MIPEP: variants seen among roughly 807,000 people sequenced by gnomAD.
The protein encoded by MIPEP is mitochondrial intermediate peptidase.
Under a neutral mutation model 90.3 loss-of-function variants are expected in MIPEP, and 79 were observed. That is an observed-to-expected ratio of 0.87 (90% CI 0.73 to 1.05). The LOEUF (loss-of-function observed/expected upper bound fraction) is 1.05, where lower values mean the gene tolerates loss of function less well. Among genes scored for constraint, MIPEP ranks in the 50% least tolerant of loss-of-function variants. The probability of loss-of-function intolerance (pLI) is 0.00; values close to 1 mark genes in which losing one functional copy is unlikely to be tolerated. For missense variants in MIPEP, 940 were observed against 905.6 expected, an observed-to-expected ratio of 1.04 and a Z score of -0.49; for synonymous variants, 334 against 315.8, an observed-to-expected ratio of 1.06 and a Z score of -0.61.
At chr13:23,749,116 C>A (rs1004234233) in intron 18 of MIPEP, among the ~76,000 whole-genome samples, 2 of 152,282 alleles carry the variant, frequency 1.3e-5, no homozygotes, top group Admixed American at 6.5e-5. Flanking sequence ...TGCTATAAGA[C>A]AATGTAAAAC....
intron 4 of MIPEP, among the ~76,000 whole-genome samples, chr13:23,877,302 CT>C (rs1871107770): frequency 1.3e-5 from 2 of 152,184 alleles, no homozygotes; most frequent in African/African-American, 4.8e-5. Context: ...ATTTCGGTCG[CT>C]TGCATGCTTC....
At chr13:23,851,326 T>C (rs766699845) in intron 10 of MIPEP, among the ~76,000 whole-genome samples, 5 of 152,232 alleles carry the variant, frequency 3.3e-5, no homozygotes, top group African/African-American at 4.8e-5. Flanking sequence ...ATGACTGTAA[T>C]AGACTGAAAC....
chr13:23,755,705 AT>A (rs1409274193), intron 18 of MIPEP, among the ~76,000 whole-genome samples: 1 of 152,160 alleles, frequency 6.6e-6, no homozygotes, highest in Non-Finnish European at 1.5e-5. Flanking sequence ...GATCACTTCC[AT>A]TTACAATTAA....
intron 14 of MIPEP, among the ~76,000 whole-genome samples, chr13:23,827,473 C>G (rs1868522074): frequency 6.6e-6 from 1 of 152,014 alleles, no homozygotes; most frequent in African/African-American, 2.4e-5. Flanking sequence ...TGAATGGTTT[C>G]ATAGATGAAT....
intron 5 of MIPEP, among the ~76,000 whole-genome samples, chr13:23,871,931 T>C (rs1305834497): frequency 6.6e-6 from 1 of 152,154 alleles, no homozygotes; most frequent in Non-Finnish European, 1.5e-5. Flanking sequence ...AAAAATGTGA[T>C]AAAATTAACT....
intron 18 of MIPEP, 60 bp downstream of exon 18, chr13:23,756,485 A>G: frequency 6.5e-7 from 1 of 1,533,198 alleles, no homozygotes; most frequent in African/African-American, 1.4e-5. Context: ...TGAAAAAAAC[A>G]TATGGAGAAA....
At chr13:23,834,953 C>T (rs540358379) in intron 14 of MIPEP, among the ~76,000 whole-genome samples, 1 of 152,004 alleles carries the variant, frequency 6.6e-6, no homozygotes, top group South Asian at 2.1e-4. Context: ...ACAAATCTGC[C>T]ACCGTAATAA....
At chr13:23,869,517 G>A (rs1418805601) in intron 6 of MIPEP, 69 bp from the exon 7 acceptor site, 2 of 1,352,198 alleles carry the variant, frequency 1.5e-6, no homozygotes, top group Non-Finnish European at 2.0e-6. Context: ...AATAACACAG[G>A]CTCATGCTCA....
intron 14 of MIPEP, among the ~76,000 whole-genome samples, chr13:23,820,116 T>C (rs1953288208): frequency 2.0e-5 from 3 of 152,164 alleles, no homozygotes; most frequent in Admixed American, 6.5e-5. Context: ...ATTTAAAAAA[T>C]GGGTTAAGTG....
At position 23,781,121 on chromosome 13, in the gene MIPEP, T is replaced by C. The variant is rs866748566; in HGVS notation, c.1849-20904A>G. ...ACAGAGAACACCACAAAGATACTCC[T>C]CGAGAAGAGCAACTCCAAGACACAT... On this transcript the variant is annotated intron_variant, in intron 16 of 18. Coordinates refer to ENST00000382172, the MANE Select transcript of MIPEP (RefSeq NM_005932.4). Among the ~76,000 whole-genome samples the C allele has an allele frequency of 1.5e-4, 23 of 152,142 alleles. 1 individual carries two copies. The highest frequency in any genetic ancestry group is 4.8e-4 in the African/African-American group (20 of 41,488).
intron 5 of MIPEP, 42 bp downstream of exon 5, chr13:23,874,804 T>C (rs1566025558): frequency 3.3e-6 from 5 of 1,503,406 alleles, no homozygotes; most frequent in African/African-American, 1.4e-5. Flanking sequence ...AACTAAATGT[T>C]AGTAAAACTG....
intron 10 of MIPEP, among the ~76,000 whole-genome samples, chr13:23,856,742 G>T (rs1271055127): frequency 1.3e-5 from 2 of 152,066 alleles, no homozygotes; most frequent in East Asian, 3.9e-4. Context: ...AGGAGGTTGT[G>T]ACCAGAAAAC....
At chr13:23,836,844 C>G (rs1261706976) in intron 13 of MIPEP, among the ~76,000 whole-genome samples, 3 of 152,130 alleles carry the variant, frequency 2.0e-5, no homozygotes, top group Non-Finnish European at 4.4e-5. Context: ...AGTAACAAAT[C>G]CTGTAAGAAA....
intron 18 of MIPEP, among the ~76,000 whole-genome samples, chr13:23,751,099 G>GA (rs1952435907): frequency 6.6e-6 from 1 of 152,206 alleles, no homozygotes; most frequent in African/African-American, 2.4e-5. Flanking sequence ...CGTGCTGCTG[G>GA]AACTGAGAAC....
chr13:23,804,641 T>A (rs979036136), intron 16 of MIPEP, among the ~76,000 whole-genome samples: 15 of 152,204 alleles, frequency 9.9e-5, no homozygotes, highest in African/African-American at 3.4e-4. Flanking sequence ...TCTAAGCCAA[T>A]CGAAAACTAA....
At chr13:23,851,126 T>A (rs987187108) in intron 10 of MIPEP, among the ~76,000 whole-genome samples, 1 of 152,180 alleles carries the variant, frequency 6.6e-6, no homozygotes, top group Admixed American at 6.5e-5. Flanking sequence ...TCTCCCCAGG[T>A]TGCAGACACG....
At chr13:23,806,586 G>A (rs1301074171) in intron 15 of MIPEP, among the ~76,000 whole-genome samples, 1 of 152,006 alleles carries the variant, frequency 6.6e-6, no homozygotes, top group African/African-American at 2.4e-5. Context: ...GCTGAGGCAG[G>A]AGAATGGCGT....
intron 2 of MIPEP, among the ~76,000 whole-genome samples, chr13:23,882,126 T>C (rs149118809): frequency 1.3e-3 from 196 of 150,796 alleles, no homozygotes; most frequent in African/African-American, 4.6e-3. Context: ...CTGGAGTGCA[T>C]TGGCGCAATC....
chr13:23,886,148 C>T (rs1871470825), intron 2 of MIPEP, among the ~76,000 whole-genome samples, 185 bp downstream of exon 2: 1 of 151,958 alleles, frequency 6.6e-6, no homozygotes, highest in South Asian at 2.1e-4. Flanking sequence ...ATCACCTTTT[C>T]CTATAATATT....
Sources: allele counts gnomAD v4.1 joint callset (sites outside exome capture counted in the v4.1 genomes callset), GRCh38; gene constraint gnomAD v4.1.1; transcripts MANE v1.5; gene names NCBI Gene and HGNC (gene_info 2026-07-23, HGNC 2026-07-21).